The following TAFA5 variants were observed in gnomAD, a reference collection of about 807,000 sequenced individuals.
TAFA5 encodes TAFA chemokine like family member 5, also known as chemokine-like protein TAFA-5.
In TAFA5, 6 loss-of-function variants were observed where a neutral mutation model predicts 15.3. The ratio of observed to expected loss-of-function variants is 0.39; its 90% CI spans 0.21 to 0.77. The LOEUF (loss-of-function observed/expected upper bound fraction) is 0.77, where lower values mean the gene tolerates loss of function less well. Ranked by LOEUF, TAFA5 falls within the 30% of genes least tolerant of loss-of-function variation. TAFA5 has a pLI of 0.41. For synonymous variants in TAFA5, 103 were observed against 80.7 expected (o/e 1.28, Z -1.48); for missense variants, 161 against 193.1 (o/e 0.83, Z 0.98).
chr22:48,612,462 C>A (rs991681418), intron 1 of TAFA5, among the ~76,000 whole-genome samples: 7 of 152,154 alleles, frequency 4.6e-5, no homozygotes, highest in African/African-American at 1.7e-4. Context: ...AGCACGCCCA[C>A]CTGTTGCCTT....
At chr22:48,737,664 C>T (rs906466036) in intron 3 of TAFA5, among the ~76,000 whole-genome samples, 2 of 152,188 alleles carry the variant, frequency 1.3e-5, no homozygotes, top group Non-Finnish European at 2.9e-5. Context: ...ACACGCCCTT[C>T]GATGTTGCCC....
intron 1 of TAFA5, among the ~76,000 whole-genome samples, chr22:48,609,526 G>A (rs927980447): frequency 1.3e-5 from 2 of 152,244 alleles, no homozygotes; most frequent in South Asian, 4.1e-4. Context: ...CTTGGACCTC[G>A]CCTCTGTCCA....
intron 1 of TAFA5, among the ~76,000 whole-genome samples, chr22:48,513,625 C>T (rs576877070): frequency 2.0e-4 from 30 of 152,368 alleles, no homozygotes; most frequent in African/African-American, 6.3e-4. Flanking sequence ...AGCTGAGCAC[C>T]TGGGCAGGCC....
intron 1 of TAFA5, among the ~76,000 whole-genome samples, chr22:48,562,983 G>A (rs898324271): frequency 1.1e-4 from 17 of 152,372 alleles, no homozygotes; most frequent in African/African-American, 3.8e-4. Flanking sequence ...CGGAGCTGCA[G>A]GCTGGTGCCT....
At chr22:48,639,223 G>GC (rs144290455) in intron 1 of TAFA5, among the ~76,000 whole-genome samples, 17,395 of 152,238 alleles carry the variant, frequency 0.11, 1,356 homozygotes, top group Non-Finnish European at 0.16. Context: ...TTGGGGACCT[G>GC]CCCCCGGGCC....
At chr22:48,587,240 C>T (rs917800857) in intron 1 of TAFA5, among the ~76,000 whole-genome samples, 1 of 152,164 alleles carries the variant, frequency 6.6e-6, no homozygotes, top group African/African-American at 2.4e-5. Context: ...CTCTGGGATG[C>T]TGTGGGCACG....
At chr22:48,557,053 C>T (rs985674358) in intron 1 of TAFA5, among the ~76,000 whole-genome samples, 2 of 152,168 alleles carry the variant, frequency 1.3e-5, no homozygotes, top group East Asian at 1.9e-4. Flanking sequence ...TTGGGAGGCC[C>T]GCAGGGAGCG....
chr22:48,736,006 AT>A (rs1422935974), intron 3 of TAFA5, among the ~76,000 whole-genome samples: 1 of 58,412 alleles, frequency 1.7e-5, no homozygotes, highest in Non-Finnish European at 3.7e-5. Context: ...TCCAGAGTCC[AT>A]CCCCCCAGGA....
At chr22:48,504,022 C>A (rs1308143920) in intron 1 of TAFA5, among the ~76,000 whole-genome samples, 1 of 152,232 alleles carries the variant, frequency 6.6e-6, no homozygotes, top group African/African-American at 2.4e-5. Context: ...CATGCCTAAC[C>A]CAGGTTCCAC....
intron 1 of TAFA5, among the ~76,000 whole-genome samples, chr22:48,617,969 G>T (rs1041673328): frequency 6.6e-6 from 1 of 152,188 alleles, no homozygotes; most frequent in African/African-American, 2.4e-5. Flanking sequence ...CCACATGGGC[G>T]CGGTTTTTAT....
intron 3 of TAFA5, among the ~76,000 whole-genome samples, chr22:48,708,801 G>A (rs1929162628): frequency 6.6e-6 from 1 of 152,226 alleles, no homozygotes. Flanking sequence ...CCTCCTCCCA[G>A]GATTGCACAG....
At chr22:48,723,559 C>T (rs1225983670) in intron 3 of TAFA5, among the ~76,000 whole-genome samples, 2 of 152,186 alleles carry the variant, frequency 1.3e-5, no homozygotes, top group South Asian at 4.1e-4. Context: ...ACTGACAAGC[C>T]CCTTCCAGGG....
At chr22:48,514,479 TGG>T (rs1259522216) in intron 1 of TAFA5, among the ~76,000 whole-genome samples, 4 of 152,142 alleles carry the variant, frequency 2.6e-5, no homozygotes, top group Non-Finnish European at 5.9e-5. Context: ...ACAGCCAACA[TGG>T]GGTTAATTGA....
intron 1 of TAFA5, among the ~76,000 whole-genome samples, chr22:48,630,379 G>A (rs987853491): frequency 6.6e-6 from 1 of 152,224 alleles, no homozygotes; most frequent in African/African-American, 2.4e-5. Flanking sequence ...CAGAGCTGGT[G>A]ACAGGCACAG....
chr22:48,635,900 CT>C (rs1168846904), intron 1 of TAFA5, among the ~76,000 whole-genome samples: 4 of 152,234 alleles, frequency 2.6e-5, no homozygotes, highest in African/African-American at 7.2e-5. Flanking sequence ...TCTCCACCTG[CT>C]TCTGTCGGAT....
chr22:48,694,393 C>T (rs1451090283), intron 2 of TAFA5, among the ~76,000 whole-genome samples: 2 of 152,162 alleles, frequency 1.3e-5, no homozygotes, highest in African/African-American at 2.4e-5. Flanking sequence ...GGACACCCTG[C>T]GCGTTTCCTG....
chr22:48,605,438 G>C (rs879821548), intron 1 of TAFA5, among the ~76,000 whole-genome samples: 1 of 148,278 alleles, frequency 6.7e-6, no homozygotes, highest in Non-Finnish European at 1.5e-5. Context: ...GGTGGTGGTG[G>C]TGGTGGTGAT....
intron 2 of TAFA5, among the ~76,000 whole-genome samples, chr22:48,704,385 C>T (rs565794559): frequency 2.0e-4 from 30 of 152,262 alleles, no homozygotes; most frequent in African/African-American, 7.2e-4. Context: ...CAACACGATG[C>T]ATCAGGGATG....
At chr22:48,647,171 G>A (rs1429207904) in intron 2 of TAFA5, among the ~76,000 whole-genome samples, 1 of 152,138 alleles carries the variant, frequency 6.6e-6, no homozygotes, top group Non-Finnish European at 1.5e-5. Flanking sequence ...CTCTGGGTCT[G>A]GCCAGTTCAA....
Sources: gnomAD v4.1 joint callset for allele counts (sites outside exome capture counted in the v4.1 genomes callset) on GRCh38, gnomAD v4.1.1 for gene constraint, MANE v1.5 for transcripts, NCBI Gene and HGNC (gene_info 2026-07-23, HGNC 2026-07-21) for gene names.